Variants in CSMD1 observed in about 807,000 individuals in gnomAD.
The protein encoded by CSMD1 is CUB and Sushi multiple domains 1.
In CSMD1, 213 loss-of-function variants were observed where a neutral mutation model predicts 417.5. That is an observed-to-expected ratio of 0.51 (90% CI 0.46 to 0.57). CSMD1 has a LOEUF of 0.57. Ranked by LOEUF, CSMD1 falls within the 20% of genes least tolerant of loss-of-function variation. The pLI, the probability that CSMD1 is intolerant of heterozygous loss-of-function variation, is 0.00. For synonymous variants in CSMD1, 2,862 were observed against 1,736.8 expected (o/e 1.65, Z -16.11); for missense variants, 6,923 against 4,529.7 (o/e 1.53, Z -15.17).
intron 2 of CSMD1, among the ~76,000 whole-genome samples, chr8:4,597,160 A>G (rs929532091): frequency 2.0e-5 from 3 of 152,188 alleles, no homozygotes; most frequent in African/African-American, 7.2e-5. Flanking sequence ...TCCTCTCCTC[A>G]GTCAAAACTT....
At chr8:4,445,342 G>A (rs1423551067) in intron 2 of CSMD1, among the ~76,000 whole-genome samples, 2 of 152,162 alleles carry the variant, frequency 1.3e-5, no homozygotes, top group Non-Finnish European at 2.9e-5. Flanking sequence ...CTTCAGAAGT[G>A]TATGAAGTCT....
chr8:3,232,543 A>G (rs1450636778), intron 26 of CSMD1, among the ~76,000 whole-genome samples: 1 of 152,216 alleles, frequency 6.6e-6, no homozygotes, highest in African/African-American at 2.4e-5. Context: ...TGCTGCTGCG[A>G]AAACTCTTGT....
chr8:3,313,274 C>A (rs1028852745), intron 23 of CSMD1, among the ~76,000 whole-genome samples: 5 of 152,126 alleles, frequency 3.3e-5, no homozygotes, highest in African/African-American at 9.7e-5. Flanking sequence ...CAAATGGGAT[C>A]GGATTAAACT....
Position 4,594,763 on chromosome 8 carries a change from G to C in CSMD1, c.302+42579C>G, listed in dbSNP as rs186561517. Among the ~76,000 whole-genome samples the C allele has an allele frequency of 1.8e-3, 275 of 152,078 alleles. 4 individuals carry two copies. Among genetic ancestry groups the C allele is most frequent in the Non-Finnish European group, 3.5e-3 (240 of 67,992 alleles). On this transcript the variant is annotated intron_variant, in intron 2 of 69. Transcript: ENST00000635120. The stretch of plus-strand genomic sequence containing the variant: ...TTCACATGGCTATCTTTCCTCCCCA[G>C]GCTCTAAGCTATTTTAGGGCAGACA...
rs755841511 is a variant in CSMD1, at chr8:3,508,343, AC to A, written c.1345-14618del. 3.6e-5 allele frequency among the ~76,000 whole-genome samples: 5 copies of A among 138,486 alleles called. No homozygotes were observed. In the East Asian group the frequency reaches 1.3e-3, roughly 35 times the overall value. The allele number at this position is 138,486 out of a possible 152,430, so 90.9% of individuals were successfully genotyped here. ...GGACACAGGAAGGGGAACATCACAC[AC>A]GGGGGCCTGTTATGGGGCAGGGGGA... On this transcript the variant is annotated intron_variant, in intron 10 of 69. Coordinates refer to ENST00000635120, the MANE Select transcript of CSMD1 (RefSeq NM_033225.6).
intron 4 of CSMD1, among the ~76,000 whole-genome samples, chr8:4,012,154 G>A (rs1186577461): frequency 6.6e-6 from 1 of 151,986 alleles, no homozygotes; most frequent in South Asian, 2.1e-4. Context: ...ACATTTCATT[G>A]AAACTGGATG....
intron 10 of CSMD1, among the ~76,000 whole-genome samples, chr8:3,569,935 T>A (rs547535779): frequency 6.6e-6 from 1 of 152,268 alleles, no homozygotes. Flanking sequence ...TCTGAAGCAA[T>A]ATAACACAAA....
At chr8:3,488,012 G>A (rs1430690456) in intron 11 of CSMD1, among the ~76,000 whole-genome samples, 5 of 151,402 alleles carry the variant, frequency 3.3e-5, no homozygotes, top group Non-Finnish European at 5.9e-5. Flanking sequence ...CCCTACAAAC[G>A]CAATCAAAAT....
At chr8:3,258,870 T>G (rs146654375) in intron 26 of CSMD1, among the ~76,000 whole-genome samples, 205 of 152,340 alleles carry the variant, frequency 1.3e-3, no homozygotes, top group African/African-American at 4.7e-3. Context: ...ATGTTTTCAT[T>G]TATAACTGGG....
At chr8:4,692,277 T>C (rs1255050915) in intron 1 of CSMD1, among the ~76,000 whole-genome samples, 1 of 152,144 alleles carries the variant, frequency 6.6e-6, no homozygotes, top group Non-Finnish European at 1.5e-5. Flanking sequence ...GTACGTTTTC[T>C]TAGTTATGAG....
intron 5 of CSMD1, among the ~76,000 whole-genome samples, chr8:3,890,801 G>A (rs986257540): frequency 7.2e-5 from 11 of 152,042 alleles, no homozygotes; most frequent in Middle Eastern, 3.2e-3. Flanking sequence ...CATTTCCAGG[G>A]ACTAAAATAT....
At chr8:4,602,081 G>C (rs1248721988) in intron 2 of CSMD1, among the ~76,000 whole-genome samples, 14 of 152,166 alleles carry the variant, frequency 9.2e-5, no homozygotes, top group Admixed American at 8.5e-4. Flanking sequence ...TATTAGCAAA[G>C]TTACCAATTG....
intron 49 of CSMD1, among the ~76,000 whole-genome samples, chr8:3,073,727 A>G (rs1813461063): frequency 6.6e-6 from 1 of 152,192 alleles, no homozygotes; most frequent in Non-Finnish European, 1.5e-5. Flanking sequence ...ATAAAATTGA[A>G]TAAAACCAAA....
intron 1 of CSMD1, among the ~76,000 whole-genome samples, chr8:4,957,292 G>A (rs1013262738): frequency 2.6e-5 from 4 of 152,098 alleles, no homozygotes; most frequent in Non-Finnish European, 5.9e-5. Flanking sequence ...CCACACAAAG[G>A]GCAAAGCCCC....
intron 2 of CSMD1, among the ~76,000 whole-genome samples, chr8:4,439,783 T>C (rs1798356280): frequency 6.6e-6 from 1 of 152,154 alleles, no homozygotes; most frequent in African/African-American, 2.4e-5. Flanking sequence ...AGCCTACAAA[T>C]AGTGACTTTG....
At chr8:3,914,347 T>C (rs1808664186) in intron 5 of CSMD1, among the ~76,000 whole-genome samples, 1 of 151,868 alleles carries the variant, frequency 6.6e-6, no homozygotes, top group Admixed American at 6.5e-5. Flanking sequence ...GGTATCAGGA[T>C]GTGTCCCATT....
intron 5 of CSMD1, among the ~76,000 whole-genome samples, chr8:3,905,069 C>T (rs1407302300): frequency 6.6e-6 from 1 of 152,072 alleles, no homozygotes; most frequent in Non-Finnish European, 1.5e-5. Context: ...CTCCATAGGA[C>T]CTATGTGTAT....
At chr8:3,973,047 A>G (rs879934478) in intron 5 of CSMD1, among the ~76,000 whole-genome samples, 2 of 152,264 alleles carry the variant, frequency 1.3e-5, no homozygotes, top group Non-Finnish European at 2.9e-5. Flanking sequence ...AAGATCACAG[A>G]TAAGTGTGCT....
At chr8:4,619,893 T>G (rs1038405530) in intron 2 of CSMD1, among the ~76,000 whole-genome samples, 2 of 152,054 alleles carry the variant, frequency 1.3e-5, no homozygotes, top group African/African-American at 4.8e-5. Context: ...GCATAAATAT[T>G]AGTACTGGGC....
Sources: gnomAD v4.1 joint callset for allele counts (sites outside exome capture counted in the v4.1 genomes callset) on GRCh38, gnomAD v4.1.1 for gene constraint, MANE v1.5 for transcripts, NCBI Gene and HGNC (gene_info 2026-07-23, HGNC 2026-07-21) for gene names.